Variants in MDFIC observed in about 807,000 individuals in gnomAD.
MDFIC encodes the protein MyoD family inhibitor domain containing.
A neutral mutation model predicts 23.2 loss-of-function variants in MDFIC; 17 were observed. The ratio of observed to expected loss-of-function variants is 0.73; its 90% CI spans 0.50 to 1.10. The LOEUF is 1.10. MDFIC is among the 50% of genes least tolerant of loss of function. The pLI, the probability that MDFIC is intolerant of heterozygous loss-of-function variation, is 0.00. For missense variants in MDFIC, 356 were observed against 316.6 expected (o/e 1.12, Z -0.95); for synonymous variants, 120 against 115.2 (o/e 1.04, Z -0.27).
At chr7:114,948,083 C>T (rs1311518219) in intron 3 of MDFIC, among the ~76,000 whole-genome samples, 1 of 152,080 alleles carries the variant, frequency 6.6e-6, no homozygotes, top group Non-Finnish European at 1.5e-5. Context: ...ATGGTTTATG[C>T]TTAATAAATG....
chr7:114,964,847 C>G (rs1585105394), intron 3 of MDFIC, among the ~76,000 whole-genome samples: 1 of 152,174 alleles, frequency 6.6e-6, no homozygotes, highest in African/African-American at 2.4e-5. Context: ...CCATGCCGGG[C>G]CCCTTGACGT....
At chr7:114,945,750 C>T (rs2594458) in intron 3 of MDFIC, among the ~76,000 whole-genome samples, 137,855 of 152,252 alleles carry the variant, frequency 0.91, 62,632 homozygotes, top group East Asian at 1. Flanking sequence ...TAAAAATTTC[C>T]AAATCAAATT....
chr7:114,993,866 T>C (rs992361859), intron 4 of MDFIC, among the ~76,000 whole-genome samples: 1 of 152,200 alleles, frequency 6.6e-6, no homozygotes, highest in African/African-American at 2.4e-5. Flanking sequence ...CTATTAGGTC[T>C]GTTTGGTGCA....
chr7:114,922,685 C>T (rs1419081643), intron 1 of MDFIC, 49 bp downstream of exon 1: 30 of 1,344,952 alleles, frequency 2.2e-5, no homozygotes, highest in Non-Finnish European at 2.9e-5. Flanking sequence ...GATCCCCATC[C>T]CCGGGGTTCT....
Position 114,923,010 on chromosome 7 carries a change from G to C in MDFIC, c.-24G>C. On this transcript the variant is annotated 5_prime_UTR_variant, in exon 2 of 5. Transcript: ENST00000393486. The stretch of plus-strand genomic sequence containing the variant: ...GCGGCGAGCTAGGCGGCAGCGGCGC[G>C]GCGCGGGCTCGGCGGAGCGGCCCAT... 1 of 1,476,314 alleles carries C rather than the reference G, an allele frequency of 6.8e-7. No individual in the cohort carries two copies. The allele number at this position is 1,476,314 out of a possible 1,614,324, so 91.5% of individuals were successfully genotyped here.
chr7:114,964,584 TC>T (rs1377620160), intron 3 of MDFIC, among the ~76,000 whole-genome samples: 1 of 142,740 alleles, frequency 7.0e-6, no homozygotes, highest in African/African-American at 2.6e-5. Flanking sequence ...AGAACATCAC[TC>T]TGTTGCCCAG....
intron 3 of MDFIC, among the ~76,000 whole-genome samples, chr7:114,969,045 A>G (rs762143347): frequency 2.6e-5 from 4 of 152,186 alleles, no homozygotes; most frequent in Non-Finnish European, 4.4e-5. Flanking sequence ...TTCAGTTACG[A>G]AATTTGACTT....
chr7:114,993,648 G>C (rs1344970797), intron 4 of MDFIC, among the ~76,000 whole-genome samples: 1 of 152,176 alleles, frequency 6.6e-6, no homozygotes, highest in Admixed American at 6.5e-5. Context: ...TTTCCATGTA[G>C]TTGAGTGGTT....
chr7:114,922,431 A>T lies in MDFIC; in HGVS notation c.-313A>T. The T allele has an allele frequency of 8.1e-7, 1 of 1,241,508 alleles. No homozygotes were observed. Among genetic ancestry groups the T allele is most frequent in the Non-Finnish European group, 1.0e-6 (1 of 988,986 alleles). 76.9% of individuals were successfully genotyped at this position (1,241,508 alleles called of 1,614,324 possible). On this transcript the variant is annotated 5_prime_UTR_variant, in exon 1 of 5. Transcript: ENST00000393486. Reference sequence around the variant, plus strand: ...GAGGGGGCGGAGTGCGCGGAGTCAGAGCCGCCACCGCTGCCGCAGTTGCCG... The same window carrying T: ...GAGGGGGCGGAGTGCGCGGAGTCAGTGCCGCCACCGCTGCCGCAGTTGCCG...
Position 114,965,264 on chromosome 7 carries a change from C to A in MDFIC, c.218-14242C>A, listed in dbSNP as rs1464778312. Reference sequence around the variant, plus strand: ...TAGAGTGTGGGAAAATAAGAGAAAACAATGGCATAGGGGTTTGGAGCAATA... The same window carrying A: ...TAGAGTGTGGGAAAATAAGAGAAAAAAATGGCATAGGGGTTTGGAGCAATA... On this transcript the variant is annotated intron_variant, in intron 3 of 4. Coordinates refer to ENST00000393486, the MANE Select transcript of MDFIC (RefSeq NM_001166345.3). 2.6e-5 allele frequency among the ~76,000 whole-genome samples: 4 copies of A among 152,228 alleles called. No homozygotes were observed. In the East Asian group the frequency reaches 7.7e-4, roughly 29 times the overall value.
intron 4 of MDFIC, among the ~76,000 whole-genome samples, chr7:114,984,454 T>C (rs758554368): frequency 7.2e-5 from 11 of 152,182 alleles, no homozygotes; most frequent in Non-Finnish European, 1.5e-4. Context: ...GAAAATAAAA[T>C]GTGTGCTCAT....
At position 114,942,304 on chromosome 7, in the gene MDFIC, G is replaced by T; in HGVS notation, c.124G>T (p.Asp42Tyr). The T allele has an allele frequency of 6.4e-7, 1 of 1,568,562 alleles. No homozygotes were observed. The highest frequency in any genetic ancestry group is 1.1e-5 in the South Asian group (1 of 88,004). ...ATGTGATAAAGACAATACTGAGAAAGATATAACTCAAGCTACCAATAGCCA... is the reference window on the plus strand; with the variant it reads ...ATGTGATAAAGACAATACTGAGAAATATATAACTCAAGCTACCAATAGCCA... Reference protein sequence around the residue: ...GKCDKDNTEKDITQATNSHFT... With the variant: ...GKCDKDNTEKYITQATNSHFT... Residue 42 changes from aspartate (D) to tyrosine (Y), a missense_variant, in exon 3 of 5, where the codon GAT becomes TAT. Asp to Tyr is a radical substitution (Grantham distance 160). Transcript: ENST00000393486.
chr7:114,975,329 A>T (rs1361281457), intron 3 of MDFIC, among the ~76,000 whole-genome samples: 2 of 152,134 alleles, frequency 1.3e-5, no homozygotes, highest in East Asian at 3.8e-4. Context: ...TTGTCCCTTT[A>T]TAACGCAGGC....
chr7:114,922,233 C>T lies in MDFIC; in HGVS notation c.-511C>T, dbSNP rs1792093050. ...CGGCCGAGCCCGGGTCGCGCCGCTC[C>T]CAGCATCGGGGCCGCTAGCCAAGAG... is the stretch of plus-strand genomic sequence containing the variant. On this transcript the variant is annotated 5_prime_UTR_variant, in exon 1 of 5. Transcript: ENST00000393486. The T allele has an allele frequency of 1.3e-5, 7 of 554,026 alleles. No homozygotes were observed. Among genetic ancestry groups the T allele is most frequent in the Admixed American group, 4.4e-5 (1 of 22,770 alleles). 34.3% of individuals were successfully genotyped at this position (554,026 alleles called of 1,614,324 possible). A position where few individuals can be genotyped will look rare whatever the true frequency, so the allele number is the denominator to read the frequency against.
intron 4 of MDFIC, among the ~76,000 whole-genome samples, chr7:115,000,846 A>C (rs1483590345): frequency 1.3e-5 from 2 of 152,202 alleles, no homozygotes; most frequent in Non-Finnish European, 2.9e-5. Flanking sequence ...TCTTAATTTA[A>C]ATTTCCATAA....
intron 4 of MDFIC, among the ~76,000 whole-genome samples, chr7:114,989,295 C>T (rs796597797): frequency 3.9e-5 from 6 of 152,274 alleles, no homozygotes; most frequent in African/African-American, 1.2e-4. Flanking sequence ...GTTGTGACAA[C>T]ATGGACATCA....
intron 2 of MDFIC, 81 bp downstream of exon 2, chr7:114,923,208 G>A: frequency 6.7e-7 from 1 of 1,488,888 alleles, no homozygotes; most frequent in Non-Finnish European, 9.0e-7. Context: ...AGATAGGGGT[G>A]GGGGGAGTGC....
At chr7:114,989,173 T>C (rs1793561541) in intron 4 of MDFIC, among the ~76,000 whole-genome samples, 2 of 152,040 alleles carry the variant, frequency 1.3e-5, no homozygotes. Context: ...CTGGAGATAA[T>C]GATATCATGA....
At chr7:114,972,705 TATA>T (rs1585108613) in intron 3 of MDFIC, among the ~76,000 whole-genome samples, 1 of 152,346 alleles carries the variant, frequency 6.6e-6, no homozygotes, top group East Asian at 1.9e-4. Context: ...CATGGTTCAC[TATA>T]ACCTTGCCCT....
Sources: allele counts gnomAD v4.1 joint callset (sites outside exome capture counted in the v4.1 genomes callset), GRCh38; gene constraint gnomAD v4.1.1; transcripts MANE v1.5; gene names NCBI Gene and HGNC (gene_info 2026-07-23, HGNC 2026-07-21).